The following LRP1B variants were observed in gnomAD, a reference collection of about 807,000 sequenced individuals.
The protein encoded by LRP1B is low-density lipoprotein receptor-related protein 1B.
A neutral mutation model predicts 556.6 loss-of-function variants in LRP1B; 217 were observed. That is an observed-to-expected ratio of 0.39 (90% CI 0.35 to 0.44). The LOEUF is 0.44. Among genes scored for constraint, LRP1B ranks in the 20% least tolerant of loss-of-function variants. The probability of loss-of-function intolerance (pLI) is 1.00; values close to 1 mark genes in which losing one functional copy is unlikely to be tolerated. For missense variants in LRP1B, 5,053 were observed against 5,620.8 expected, an observed-to-expected ratio of 0.90 and a Z score of 3.23; for synonymous variants, 2,047 against 1,865.8, an observed-to-expected ratio of 1.10 and a Z score of -2.50.
At chr2:140,984,923 T>A (rs1696873365) in intron 17 of LRP1B, among the ~76,000 whole-genome samples, 1 of 152,098 alleles carries the variant, frequency 6.6e-6, no homozygotes, top group Admixed American at 6.6e-5. Flanking sequence ...GACTAAATTA[T>A]CACTTTCTAA....
At chr2:141,772,351 T>C (rs192177359) in intron 2 of LRP1B, among the ~76,000 whole-genome samples, 1 of 152,304 alleles carries the variant, frequency 6.6e-6, no homozygotes, top group African/African-American at 2.4e-5. Context: ...AAAACAAATA[T>C]ACTTTCACCA....
intron 2 of LRP1B, among the ~76,000 whole-genome samples, chr2:141,538,410 G>A (rs905084824): frequency 6.6e-6 from 1 of 151,972 alleles, no homozygotes; most frequent in African/African-American, 2.4e-5. Flanking sequence ...CTCTTTCCTG[G>A]AATCACCACT....
At chr2:141,567,923 C>G (rs1238612178) in intron 2 of LRP1B, among the ~76,000 whole-genome samples, 2 of 149,932 alleles carry the variant, frequency 1.3e-5, no homozygotes, top group Admixed American at 1.3e-4. Flanking sequence ...CCAAAGGGAG[C>G]TATAGGGGAG....
chr2:141,957,568 C>T (rs1701291990), intron 1 of LRP1B, among the ~76,000 whole-genome samples: 3 of 151,948 alleles, frequency 2.0e-5, no homozygotes, highest in African/African-American at 7.2e-5. Flanking sequence ...GTCTTCCTCT[C>T]ACTTGACAGA....
At chr2:140,425,425 CAG>C (rs1228264772) in intron 66 of LRP1B, among the ~76,000 whole-genome samples, 2 of 152,070 alleles carry the variant, frequency 1.3e-5, no homozygotes, top group African/African-American at 4.8e-5. Flanking sequence ...CCCGCCGAGA[CAG>C]AGTCTTGCTC....
At chr2:140,588,971 A>C (rs1416360829) in intron 43 of LRP1B, among the ~76,000 whole-genome samples, 1 of 152,110 alleles carries the variant, frequency 6.6e-6, no homozygotes, top group African/African-American at 2.4e-5. Flanking sequence ...TCAAAGAAAA[A>C]AAAAAAAAAA....
intron 2 of LRP1B, among the ~76,000 whole-genome samples, chr2:141,567,811 GC>G (rs1488622885): frequency 9.4e-5 from 10 of 105,876 alleles, no homozygotes; most frequent in African/African-American, 5.6e-5. Context: ...ATGTGGAAGG[GC>G]CCCTAGGAAA....
At chr2:141,083,710 T>G (rs1380318209) in intron 7 of LRP1B, among the ~76,000 whole-genome samples, 1 of 152,114 alleles carries the variant, frequency 6.6e-6, no homozygotes, top group Non-Finnish European at 1.5e-5. Context: ...GTGGGACTGG[T>G]GACTTTATTA....
chr2:141,635,277 A>T (rs1689073702), intron 2 of LRP1B, among the ~76,000 whole-genome samples: 1 of 152,180 alleles, frequency 6.6e-6, no homozygotes, highest in African/African-American at 2.4e-5. Flanking sequence ...AGAAAACCAT[A>T]TTCTTCCAAA....
At chr2:140,647,645 T>C (rs889501936) in intron 41 of LRP1B, among the ~76,000 whole-genome samples, 22 of 152,144 alleles carry the variant, frequency 1.4e-4, no homozygotes, top group Admixed American at 1.3e-3. Context: ...CTGGACAAAT[T>C]AGACTACAAA....
chr2:141,429,609 T>C (rs1270999063), intron 3 of LRP1B, among the ~76,000 whole-genome samples: 1 of 152,182 alleles, frequency 6.6e-6, no homozygotes, highest in Non-Finnish European at 1.5e-5. Flanking sequence ...CCAGCATCCA[T>C]GAACTATTCT....
At chr2:140,822,774 T>C (rs1201795703) in intron 31 of LRP1B, among the ~76,000 whole-genome samples, 1 of 152,204 alleles carries the variant, frequency 6.6e-6, no homozygotes, top group Non-Finnish European at 1.5e-5. Context: ...GTAATTACTA[T>C]ATGAAATCAG....
Position 140,776,144 on chromosome 2 carries a change from A to G in LRP1B, c.5454T>C (p.Thr1818=). 1.3e-6 allele frequency: 2 copies of G among 1,579,300 alleles called. No homozygotes were observed. Among genetic ancestry groups the G allele is most frequent in the East Asian group, 2.3e-5 (1 of 42,646 alleles). Residue 1818 remains threonine (T), a synonymous_variant, in exon 33 of 91, where the codon ACT becomes ACC. Coordinates refer to ENST00000389484, the MANE Select transcript of LRP1B (RefSeq NM_018557.3). Reference sequence around the variant, plus strand: ...AGACTTTCATATGAACTACCCCAGAAGTCTTATTCCGTAGGATGGTGGGGT... The same window carrying G: ...AGACTTTCATATGAACTACCCCAGAGGTCTTATTCCGTAGGATGGTGGGGT... ...GRNPTILRNK[T]SGVVHMKVYD...
At chr2:141,101,567 A>G (rs959085493) in intron 7 of LRP1B, among the ~76,000 whole-genome samples, 18 of 152,278 alleles carry the variant, frequency 1.2e-4, no homozygotes, top group African/African-American at 3.8e-4. Flanking sequence ...AAACCGATTT[A>G]TATTTATATC....
chr2:140,923,356 G>A (rs528471604), intron 20 of LRP1B, among the ~76,000 whole-genome samples: 11 of 151,860 alleles, frequency 7.2e-5, no homozygotes, highest in South Asian at 4.1e-4. Flanking sequence ...TTAATAGTCC[G>A]ATAAAATGAT....
intron 66 of LRP1B, among the ~76,000 whole-genome samples, chr2:140,394,154 C>T (rs1227628285): frequency 7.5e-6 from 1 of 132,472 alleles, no homozygotes; most frequent in South Asian, 2.4e-4. Context: ...TTGGTGCATA[C>T]GCACTTAGTA....
chr2:141,390,118 A>G (rs1689992252), intron 3 of LRP1B, among the ~76,000 whole-genome samples: 1 of 152,174 alleles, frequency 6.6e-6, no homozygotes, highest in Non-Finnish European at 1.5e-5. Context: ...AGCCTGGGGA[A>G]CAAGAGCGAA....
At chr2:141,935,970 T>C (rs770734693) in intron 1 of LRP1B, among the ~76,000 whole-genome samples, 4 of 152,036 alleles carry the variant, frequency 2.6e-5, no homozygotes, top group Non-Finnish European at 4.4e-5. Context: ...AAGAAATAAA[T>C]CATGCCACTT....
At chr2:140,816,220 C>A (rs1691118852) in intron 31 of LRP1B, among the ~76,000 whole-genome samples, 1 of 151,920 alleles carries the variant, frequency 6.6e-6, no homozygotes, top group African/African-American at 2.4e-5. Flanking sequence ...TGTGTTCAAG[C>A]AATTCTCCTG....
Sources: allele counts gnomAD v4.1 joint callset (sites outside exome capture counted in the v4.1 genomes callset), GRCh38; gene constraint gnomAD v4.1.1; transcripts MANE v1.5; gene names NCBI Gene and HGNC (gene_info 2026-07-23, HGNC 2026-07-21).